The following DENND4C variants were observed in gnomAD, a reference collection of about 807,000 sequenced individuals.
The protein encoded by DENND4C is DENN domain-containing protein 4C.
In DENND4C, 108 loss-of-function variants were observed where a neutral mutation model predicts 203.0. That is an observed-to-expected ratio of 0.53 (90% CI 0.46 to 0.62). The LOEUF (loss-of-function observed/expected upper bound fraction) is 0.62, where lower values mean the gene tolerates loss of function less well. DENND4C is among the 20% of genes least tolerant of loss of function. The pLI is 0.00. For synonymous variants in DENND4C, 871 were observed against 792.4 expected (o/e 1.10, Z -1.67); for missense variants, 2,481 against 2,301.2 (o/e 1.08, Z -1.60).
intron 22 of DENND4C, among the ~76,000 whole-genome samples, chr9:19,344,184 GTTAT>G (rs1417174601): frequency 6.6e-6 from 1 of 152,152 alleles, no homozygotes; most frequent in Non-Finnish European, 1.5e-5. Context: ...CCCAGATATT[GTTAT>G]GCTTTTTAAC....
intron 28 of DENND4C, among the ~76,000 whole-genome samples, chr9:19,359,356 C>G (rs932852685): frequency 6.6e-6 from 1 of 151,812 alleles, no homozygotes; most frequent in Non-Finnish European, 1.5e-5. Flanking sequence ...ACTGGAACCA[C>G]AGGCACACAC....
Position 19,346,737 on chromosome 9 carries a change from AGAG to A in DENND4C, c.3972_3974del (p.Arg1325del), listed in dbSNP as rs769609866. 1.9e-6 allele frequency: 3 copies of A among 1,614,228 alleles called. No individual in the cohort carries two copies. Among genetic ancestry groups the A allele is most frequent in the South Asian group, 1.1e-5 (1 of 91,090 alleles). ...ACTACTGCATTTATTCATGCTCTAG[AGAG>A]GAGATCAAGCCTACCTTTAGATCAT... On this transcript the variant is annotated inframe_deletion, in exon 23 of 33. Transcript: ENST00000434457.
chr9:19,241,204 A>T (rs4977519), intron 1 of DENND4C, among the ~76,000 whole-genome samples: 74,878 of 151,900 alleles, frequency 0.49, 19,385 homozygotes, highest in South Asian at 0.59. Context: ...AATTCATCAA[A>T]TTTTTTTCTT....
At chr9:19,290,176 A>G (rs555914761) in intron 4 of DENND4C, among the ~76,000 whole-genome samples, 3 of 152,218 alleles carry the variant, frequency 2.0e-5, no homozygotes, top group East Asian at 1.9e-4. Context: ...ACTTGCTCCT[A>G]CTTTCTGGGT....
At chr9:19,257,716 A>T (rs1300804424) in intron 1 of DENND4C, among the ~76,000 whole-genome samples, 1 of 152,248 alleles carries the variant, frequency 6.6e-6, no homozygotes, top group Non-Finnish European at 1.5e-5. Context: ...ATCACTACAT[A>T]TTCTAAAGAC....
At chr9:19,249,216 A>C (rs1467753011) in intron 1 of DENND4C, among the ~76,000 whole-genome samples, 1 of 151,998 alleles carries the variant, frequency 6.6e-6, no homozygotes, top group African/African-American at 2.4e-5. Context: ...ACGATGTTTG[A>C]GACCCTGTCA....
At chr9:19,323,736 A>G (rs1227822571) in intron 12 of DENND4C, among the ~76,000 whole-genome samples, 1 of 152,244 alleles carries the variant, frequency 6.6e-6, no homozygotes, top group Non-Finnish European at 1.5e-5. Flanking sequence ...CCATGGACTC[A>G]AGAGTATGCA....
chr9:19,293,459 CT>C (rs11294591), intron 5 of DENND4C, among the ~76,000 whole-genome samples: 34,911 of 151,252 alleles, frequency 0.23, 4,247 homozygotes, highest in East Asian at 0.44. Context: ...GGGTTAAAAA[CT>C]TTGAGATCAC....
At chr9:19,294,478 G>A (rs953137980) in intron 5 of DENND4C, among the ~76,000 whole-genome samples, 1 of 152,164 alleles carries the variant, frequency 6.6e-6, no homozygotes, top group Admixed American at 6.5e-5. Context: ...CAGTTTGGCA[G>A]CTCCTCCAAA....
chr9:19,329,569 G>C (rs1219957559), intron 16 of DENND4C, among the ~76,000 whole-genome samples: 1 of 152,170 alleles, frequency 6.6e-6, no homozygotes, highest in Admixed American at 6.5e-5. Flanking sequence ...ATATCTAGGA[G>C]TAAATTGCTA....
chr9:19,317,844 C>T (rs542595202), intron 12 of DENND4C, among the ~76,000 whole-genome samples: 1 of 152,204 alleles, frequency 6.6e-6, no homozygotes, highest in South Asian at 2.1e-4. Flanking sequence ...TCCAAATATT[C>T]CAGTATTTCA....
intron 12 of DENND4C, among the ~76,000 whole-genome samples, chr9:19,317,503 A>G (rs1030560406): frequency 3.3e-5 from 5 of 152,202 alleles, no homozygotes; most frequent in African/African-American, 9.6e-5. Flanking sequence ...TGTAGTAGCA[A>G]TCTTACATCT....
intron 21 of DENND4C, among the ~76,000 whole-genome samples, chr9:19,342,243 A>T (rs928194473): frequency 1.3e-5 from 2 of 151,174 alleles, no homozygotes; most frequent in African/African-American, 4.9e-5. Flanking sequence ...ATTTTGGCTT[A>T]TGGAATAAGA....
intron 10 of DENND4C, among the ~76,000 whole-genome samples, chr9:19,313,986 G>A (rs962730705): frequency 1.3e-5 from 2 of 152,200 alleles, no homozygotes; most frequent in African/African-American, 4.8e-5. Context: ...GTGGGCCGAG[G>A]CAGGAAAATC....
At chr9:19,371,703 C>A (rs922888944) in intron 31 of DENND4C, 53 bp from the exon 32 acceptor site, 1 of 910,416 alleles carries the variant, frequency 1.1e-6, no homozygotes, top group Non-Finnish European at 1.7e-6. Context: ...AAAAATGCAT[C>A]TGTGTTTTTA....
At chr9:19,331,693 C>T (rs925955641) in intron 16 of DENND4C, among the ~76,000 whole-genome samples, 2 of 152,134 alleles carry the variant, frequency 1.3e-5, no homozygotes, top group Admixed American at 6.5e-5. Flanking sequence ...ATGAGCCATT[C>T]TATTACAAAA....
Position 19,329,882 on chromosome 9 carries a change from G to T in DENND4C, c.2253+1720G>T, listed in dbSNP as rs567598887. 4.6e-5 allele frequency among the ~76,000 whole-genome samples: 7 copies of T among 152,258 alleles called. No individual in the cohort carries two copies. In the East Asian group the frequency reaches 1.4e-3, roughly 29 times the overall value. On this transcript the variant is annotated intron_variant, in intron 16 of 32. Transcript: ENST00000434457. ...TGCTTTACTACTATATGTGATTTAGGTATAAAGAACTAAGCTGTGGTTACG... is the reference window on the plus strand; with the variant it reads ...TGCTTTACTACTATATGTGATTTAGTTATAAAGAACTAAGCTGTGGTTACG...
chr9:19,306,709 T>C (rs1013701689), intron 10 of DENND4C, among the ~76,000 whole-genome samples: 4 of 149,484 alleles, frequency 2.7e-5, no homozygotes, highest in African/African-American at 1.0e-4. Context: ...ATCAAAACAT[T>C]ATTTTCTAAA....
chr9:19,234,206 CA>C (rs963739787), intron 1 of DENND4C, among the ~76,000 whole-genome samples: 32 of 151,892 alleles, frequency 2.1e-4, no homozygotes, highest in African/African-American at 7.7e-4. Flanking sequence ...TTAGTAATTC[CA>C]CTTTCTTACT....
Sources: gnomAD v4.1 joint callset for allele counts (sites outside exome capture counted in the v4.1 genomes callset) on GRCh38, gnomAD v4.1.1 for gene constraint, MANE v1.5 for transcripts, NCBI Gene and HGNC (gene_info 2026-07-23, HGNC 2026-07-21) for gene names.